The following PIK3C2G variants were observed in gnomAD, a reference collection of about 807,000 sequenced individuals.
PIK3C2G encodes the protein phosphatidylinositol 3-kinase C2 domain-containing subunit gamma.
PIK3C2G carries 168 observed loss-of-function variants against 181.1 expected under a neutral mutation model. The ratio of observed to expected loss-of-function variants is 0.93; its 90% CI spans 0.82 to 1.05. The LOEUF (loss-of-function observed/expected upper bound fraction) is 1.05. Among genes scored for constraint, PIK3C2G ranks in the 50% least tolerant of loss-of-function variants. PIK3C2G has a pLI of 0.00. For synonymous variants in PIK3C2G, 573 were observed against 592.2 expected, an observed-to-expected ratio of 0.97 and a Z score of 0.47; for missense variants, 1,869 against 1,732.8, an observed-to-expected ratio of 1.08 and a Z score of -1.40.
chr12:18,388,010 C>A (rs369874425), intron 14 of PIK3C2G, among the ~76,000 whole-genome samples: 9 of 152,286 alleles, frequency 5.9e-5, no homozygotes, highest in East Asian at 3.9e-4. Flanking sequence ...CATTTTAGTA[C>A]ATGCTTATAT....
At chr12:18,402,081 G>T (rs190509253) in intron 16 of PIK3C2G, among the ~76,000 whole-genome samples, 1 of 152,110 alleles carries the variant, frequency 6.6e-6, no homozygotes, top group Non-Finnish European at 1.5e-5. Context: ...ACGCATGTTT[G>T]TAACAACATT....
chr12:18,569,037 G>A (rs1416039583), intron 29 of PIK3C2G, among the ~76,000 whole-genome samples: 1 of 152,050 alleles, frequency 6.6e-6, no homozygotes, highest in Non-Finnish European at 1.5e-5. Flanking sequence ...CCATCAAGAG[G>A]AGGCAGCTTG....
chr12:18,563,442 G>C lies in PIK3C2G; in HGVS notation c.3846G>C (p.Gln1282His). ...GCCTGACAGAAAAATCATTTGAGCA[G>C]TTTTCAAAACTTCACAGCCAACTTC... Reference protein sequence around the residue: ...ETSLTEKSFEQFSKLHSQLQK... With the variant: ...ETSLTEKSFEHFSKLHSQLQK... Residue 1282 changes from glutamine (Q) to histidine (H), a missense_variant, in exon 28 of 33, where the codon CAG (glutamine) becomes CAC (histidine). By Grantham distance (24) the Gln-to-His change is conservative. Transcript: ENST00000538779. 1 of 1,613,734 alleles carries C rather than the reference G, an allele frequency of 6.2e-7. No homozygotes were observed. Among genetic ancestry groups the C allele is most frequent in the Middle Eastern group, 1.6e-4 (1 of 6,062 alleles).
At chr12:18,381,455 C>T (rs1417777218) in intron 13 of PIK3C2G, among the ~76,000 whole-genome samples, 2 of 151,934 alleles carry the variant, frequency 1.3e-5, no homozygotes, top group Admixed American at 6.6e-5. Context: ...ATTCTTAGTC[C>T]CACTTTATAA....
At chr12:18,446,258 C>T (rs2135858134) in intron 18 of PIK3C2G, among the ~76,000 whole-genome samples, 1 of 152,256 alleles carries the variant, frequency 6.6e-6, no homozygotes, top group South Asian at 2.1e-4. Flanking sequence ...TCCACCATTT[C>T]CCTGCCCCTG....
the PIK3C2G span, among the ~76,000 whole-genome samples, chr12:18,724,509 G>A: frequency 6.6e-6 from 1 of 152,096 alleles, no homozygotes; most frequent in East Asian, 1.9e-4. Context: ...TAAACAGCTT[G>A]AATGCAAGAA....
chr12:18,609,648 AT>A lies in PIK3C2G; in HGVS notation c.4182+20del. On this transcript the variant is annotated intron_variant, in intron 31 of 32. Coordinates refer to ENST00000538779, the MANE Select transcript of PIK3C2G (RefSeq NM_001288772.2). ...AAACATTGTAAGTTTATTATGTATA[AT>A]AAGAAACATGTAAGCCTACATCCAG... 1 of 1,404,790 alleles carries A rather than the reference AT, an allele frequency of 7.1e-7. No individual in the cohort carries two copies. The highest frequency in any genetic ancestry group is 1.8e-4 in the Middle Eastern group (1 of 5,602). The allele number at this position is 1,404,790 out of a possible 1,614,324, so 87.0% of individuals were successfully genotyped here. A position where few individuals can be genotyped will look rare whatever the true frequency, so the allele number is the denominator to read the frequency against.
chr12:18,723,326 C>T, the PIK3C2G span: 4 of 1,611,086 alleles, frequency 2.5e-6, no homozygotes, highest in South Asian at 1.1e-5. Context: ...TCGATAGGCT[C>T]GTATTTCTGA....
intron 26 of PIK3C2G, among the ~76,000 whole-genome samples, chr12:18,552,365 A>G (rs74411531): frequency 0.045 from 6,840 of 152,204 alleles, 347 homozygotes; most frequent in African/African-American, 0.13. Flanking sequence ...ATGAGATGGA[A>G]ATGCAAATCC....
At chr12:18,293,805 T>C in intron 4 of PIK3C2G, 96 bp from the exon 5 acceptor site, 1 of 673,970 alleles carries the variant, frequency 1.5e-6, no homozygotes, top group Non-Finnish European at 2.7e-6. Context: ...GTTACAATCC[T>C]TCATAATGTG....
At chr12:18,638,951 C>CAAAAA (rs779064940) in intron 31 of PIK3C2G, among the ~76,000 whole-genome samples, 2 of 97,604 alleles carry the variant, frequency 2.0e-5, no homozygotes, top group African/African-American at 3.8e-5. Flanking sequence ...CTCTTCTCAC[C>CAAAAA]AAAAAAAAAA....
At chr12:18,670,815 T>G in the PIK3C2G span, among the ~76,000 whole-genome samples, 1 of 152,196 alleles carries the variant, frequency 6.6e-6, no homozygotes, top group Non-Finnish European at 1.5e-5. Context: ...TCATGAAACA[T>G]TCTTTCAAAT....
intron 31 of PIK3C2G, among the ~76,000 whole-genome samples, chr12:18,612,030 C>G (rs750791661): frequency 5.9e-5 from 9 of 152,052 alleles, no homozygotes; most frequent in Non-Finnish European, 1.3e-4. Flanking sequence ...CAATGAAAGC[C>G]AAGGTACTTG....
intron 10 of PIK3C2G, among the ~76,000 whole-genome samples, chr12:18,343,946 G>T (rs1464314392): frequency 6.6e-6 from 1 of 152,026 alleles, no homozygotes; most frequent in Non-Finnish European, 1.5e-5. Flanking sequence ...CTGACTTTTG[G>T]AATCAGGCAG....
intron 28 of PIK3C2G, among the ~76,000 whole-genome samples, chr12:18,564,511 T>C (rs1035553807): frequency 6.6e-6 from 1 of 151,586 alleles, no homozygotes; most frequent in African/African-American, 2.4e-5. Flanking sequence ...TAGGGAGATA[T>C]TGCACAATAT....
At chr12:18,318,472 C>T (rs1206305302) in intron 6 of PIK3C2G, among the ~76,000 whole-genome samples, 1 of 151,958 alleles carries the variant, frequency 6.6e-6, no homozygotes, top group African/African-American at 2.4e-5. Flanking sequence ...AATGTTCTCT[C>T]AGTTTTATTT....
At chr12:18,422,160 C>T (rs1030850119) in intron 17 of PIK3C2G, among the ~76,000 whole-genome samples, 1 of 152,002 alleles carries the variant, frequency 6.6e-6, no homozygotes, top group African/African-American at 2.4e-5. Context: ...CATTGAGACC[C>T]ATATTGCCAC....
chr12:18,266,139 T>C (rs1948489814), intron 1 of PIK3C2G, among the ~76,000 whole-genome samples: 1 of 151,762 alleles, frequency 6.6e-6, no homozygotes, highest in South Asian at 2.1e-4. Context: ...ACAGGGCCCA[T>C]TCTGTTTGCT....
At position 18,505,475 on chromosome 12, in the gene PIK3C2G, TG is replaced by T. The variant is rs1203098007; in HGVS notation, c.3323+15del. 6.3e-7 allele frequency: 1 copy of T among 1,598,170 alleles called. No individual in the cohort carries two copies. Among genetic ancestry groups the T allele is most frequent in the Admixed American group, 1.7e-5 (1 of 59,062 alleles). Reference sequence around the variant, plus strand: ...AGGGATAAAAAGGTCAGTGCACAAATGTTTATTACAGTAATTAAGCAGTGTC... The same window carrying T: ...AGGGATAAAAAGGTCAGTGCACAAATTTTATTACAGTAATTAAGCAGTGTC... On this transcript the variant is annotated intron_variant, in intron 24 of 32. Transcript: ENST00000538779.
Sources: allele counts gnomAD v4.1 joint callset (sites outside exome capture counted in the v4.1 genomes callset), GRCh38; gene constraint gnomAD v4.1.1; transcripts MANE v1.5; gene names NCBI Gene and HGNC (gene_info 2026-07-23, HGNC 2026-07-21).